CDH12: variants seen among roughly 807,000 people sequenced by gnomAD.
The protein encoded by CDH12 is cadherin-12.
Under a neutral mutation model 74.1 loss-of-function variants are expected in CDH12, and 41 were observed. That is an observed-to-expected ratio of 0.55 (90% CI 0.43 to 0.72). CDH12 has a LOEUF of 0.72. Among genes scored for constraint, CDH12 ranks in the 30% least tolerant of loss-of-function variants. The pLI is 0.00. For missense variants in CDH12, 945 were observed against 977.2 expected (o/e 0.97, Z 0.44); for synonymous variants, 399 against 355.0 (o/e 1.12, Z -1.39).
At chr5:22,690,413 T>A (rs749684793) in intron 1 of CDH12, among the ~76,000 whole-genome samples, 1 of 152,166 alleles carries the variant, frequency 6.6e-6, no homozygotes, top group Non-Finnish European at 1.5e-5. Flanking sequence ...GAATCCATAA[T>A]ATTTTAAAGG....
At chr5:21,981,410 C>T (rs1757300366) in intron 5 of CDH12, among the ~76,000 whole-genome samples, 1 of 151,904 alleles carries the variant, frequency 6.6e-6, no homozygotes, top group African/African-American at 2.4e-5. Flanking sequence ...ATTTTCTACC[C>T]ATTTGTCTAT....
chr5:21,901,091 G>T (rs1753363477), intron 6 of CDH12, among the ~76,000 whole-genome samples: 1 of 152,022 alleles, frequency 6.6e-6, no homozygotes, highest in Admixed American at 6.6e-5. Context: ...TTTCTTCAGG[G>T]TTTTCTCTAA....
chr5:22,308,428 G>A (rs555535245), intron 3 of CDH12, among the ~76,000 whole-genome samples: 1 of 152,184 alleles, frequency 6.6e-6, no homozygotes, highest in East Asian at 1.9e-4. Flanking sequence ...ATGTATGACT[G>A]GGATGCTGTT....
At chr5:22,549,556 C>G (rs2126731344) in intron 1 of CDH12, among the ~76,000 whole-genome samples, 1 of 152,054 alleles carries the variant, frequency 6.6e-6, no homozygotes, top group Non-Finnish European at 1.5e-5. Context: ...ATGTAGGCAT[C>G]TACTCTGTAT....
Position 22,497,485 on chromosome 5 carries a change from C to T in CDH12, c.-428+7785G>A, listed in dbSNP as rs114432016. Among the ~76,000 whole-genome samples the T allele has an allele frequency of 7.9e-3, 1,194 of 152,084 alleles. 14 individuals carry two copies. Among genetic ancestry groups the T allele is most frequent in the African/African-American group, 0.027 (1,140 of 41,498 alleles). ...GTTCCCACCTAGTATCATTGCTCAC[C>T]AGGTTGTTGTACTTGCCTAAAAAGG... On this transcript the variant is annotated intron_variant, in intron 2 of 14. Coordinates refer to ENST00000382254, the MANE Select transcript of CDH12 (RefSeq NM_004061.5).
chr5:22,775,937 G>T (rs148847932), intron 1 of CDH12, among the ~76,000 whole-genome samples: 1,560 of 152,130 alleles, frequency 0.01, 10 homozygotes, highest in Middle Eastern at 0.017. Context: ...GATCTGATGG[G>T]TTTATCAGGG....
At chr5:21,898,619 G>A (rs1044234833) in intron 6 of CDH12, among the ~76,000 whole-genome samples, 36 of 152,060 alleles carry the variant, frequency 2.4e-4, no homozygotes, top group African/African-American at 7.2e-4. Context: ...GGAGAATGGC[G>A]TGAACTTGGG....
intron 1 of CDH12, among the ~76,000 whole-genome samples, chr5:22,817,999 G>C (rs781382654): frequency 6.6e-6 from 1 of 152,084 alleles, no homozygotes; most frequent in Non-Finnish European, 1.5e-5. Flanking sequence ...AAAGTGGAAG[G>C]GTTGTGTAGT....
chr5:22,118,788 T>C (rs796486433), intron 4 of CDH12, among the ~76,000 whole-genome samples: 62 of 152,254 alleles, frequency 4.1e-4, no homozygotes, highest in African/African-American at 1.4e-3. Context: ...TTCTGCATCA[T>C]ACATCTGAAC....
rs141547954 is a variant in CDH12 at position 22,308,715 on chromosome 5, C to T, written c.-332-96072G>A. On this transcript the variant is annotated intron_variant, in intron 3 of 14. Transcript: ENST00000382254. ...TGATCACATCGACAAAGCAATATTC[C>T]ATGTATCATTCACAGGTTTCAGGAA... Among the ~76,000 whole-genome samples the T allele has an allele frequency of 3.3e-5, 5 of 151,874 alleles. No homozygotes were observed. In the East Asian group the frequency reaches 9.7e-4, roughly 30 times the overall value.
chr5:22,814,290 A>G (rs1749285712), intron 1 of CDH12, among the ~76,000 whole-genome samples: 1 of 152,208 alleles, frequency 6.6e-6, no homozygotes, highest in Non-Finnish European at 1.5e-5. Flanking sequence ...TTTTAGTCAC[A>G]TATTTAAATG....
chr5:22,403,881 A>T (rs1238713963), intron 3 of CDH12, among the ~76,000 whole-genome samples: 1 of 152,210 alleles, frequency 6.6e-6, no homozygotes, highest in Admixed American at 6.5e-5. Flanking sequence ...AAGATTTTTT[A>T]AAATGACCAT....
chr5:22,174,816 C>G (rs968774488), intron 4 of CDH12, among the ~76,000 whole-genome samples: 2 of 152,072 alleles, frequency 1.3e-5, no homozygotes, highest in African/African-American at 2.4e-5. Flanking sequence ...CACAACCATA[C>G]AGATAACTAA....
intron 1 of CDH12, among the ~76,000 whole-genome samples, chr5:22,559,074 G>C (rs553833252): frequency 6.6e-6 from 1 of 152,080 alleles, no homozygotes; most frequent in Admixed American, 6.5e-5. Flanking sequence ...ACCCACTAAA[G>C]TCCTGAAGTC....
chr5:22,107,879 G>T (rs927044935), intron 4 of CDH12, among the ~76,000 whole-genome samples: 5 of 152,074 alleles, frequency 3.3e-5, no homozygotes, highest in African/African-American at 9.7e-5. Context: ...AAGCAGCAGG[G>T]ATATAAAATG....
At position 22,731,019 on chromosome 5, in the gene CDH12, G is replaced by C. The variant is rs1375339054; in HGVS notation, c.-523+122039C>G. Among the ~76,000 whole-genome samples the C allele has an allele frequency of 2.6e-5, 4 of 151,748 alleles. No homozygotes were observed. In the Admixed American group the frequency reaches 2.6e-4, roughly 10 times the overall value. On this transcript the variant is annotated intron_variant, in intron 1 of 14. Coordinates refer to ENST00000382254, the MANE Select transcript of CDH12 (RefSeq NM_004061.5). ...AAGGACGTGCTGTCTCCTAAATCAAGTGTTCAGATGTGTTTACTCTTCTTC... is the reference window on the plus strand; with the variant it reads ...AAGGACGTGCTGTCTCCTAAATCAACTGTTCAGATGTGTTTACTCTTCTTC...
intron 5 of CDH12, among the ~76,000 whole-genome samples, chr5:22,032,479 G>A (rs1057193769): frequency 2.0e-5 from 3 of 151,932 alleles, no homozygotes. Flanking sequence ...TGGAAGCTGA[G>A]GCAGGTGGAT....
intron 4 of CDH12, chr5:22,152,458 C>T (rs1000508325): frequency 6.6e-6 from 1 of 152,080 alleles, no homozygotes. Flanking sequence ...ATTCACCTTT[C>T]TGGAATTCTT....
intron 6 of CDH12, among the ~76,000 whole-genome samples, chr5:21,970,287 C>T (rs1274551760): frequency 6.6e-6 from 1 of 152,104 alleles, no homozygotes; most frequent in Non-Finnish European, 1.5e-5. Flanking sequence ...GCTTTTAGGG[C>T]ATAGATAGAA....
Sources: gnomAD v4.1 joint callset for allele counts (sites outside exome capture counted in the v4.1 genomes callset) on GRCh38, gnomAD v4.1.1 for gene constraint, MANE v1.5 for transcripts, NCBI Gene and HGNC (gene_info 2026-07-23, HGNC 2026-07-21) for gene names.